ERC2: variants seen among roughly 807,000 people sequenced by gnomAD.
ERC2 encodes the protein ELKS/RAB6-interacting/CAST family member 2, also known as ERC protein 2.
ERC2 carries 42 observed loss-of-function variants against 114.8 expected under a neutral mutation model. The observed-to-expected ratio is 0.37, with a 90% CI of 0.29 to 0.47. The LOEUF is 0.47. Ranked by LOEUF, ERC2 falls within the 20% of genes least tolerant of loss-of-function variation. The pLI is 0.99. For missense variants in ERC2, 939 were observed against 1,150.7 expected (o/e 0.82, Z 2.66); for synonymous variants, 454 against 425.5 (o/e 1.07, Z -0.82).
At chr3:55,805,985 A>G (rs1025803577) in intron 14 of ERC2, among the ~76,000 whole-genome samples, 1 of 152,192 alleles carries the variant, frequency 6.6e-6, no homozygotes, top group African/African-American at 2.4e-5. Context: ...AAGCATTACA[A>G]AAATGATAGA....
chr3:55,660,528 T>C (rs1281629270), intron 17 of ERC2, among the ~76,000 whole-genome samples: 1 of 148,230 alleles, frequency 6.7e-6, no homozygotes, highest in Non-Finnish European at 1.5e-5. Flanking sequence ...TGATTTTTTT[T>C]CTCCTTGCTC....
intron 14 of ERC2, among the ~76,000 whole-genome samples, chr3:55,834,357 G>C (rs906891796): frequency 1.8e-4 from 27 of 152,060 alleles, no homozygotes; most frequent in Admixed American, 1.3e-3. Context: ...CACACAGTTG[G>C]AAGTAAAGCT....
intron 17 of ERC2, among the ~76,000 whole-genome samples, chr3:55,595,813 T>C (rs2058098926): frequency 6.6e-6 from 1 of 152,152 alleles, no homozygotes; most frequent in African/African-American, 2.4e-5. Flanking sequence ...CTATAAACCA[T>C]GAGAGTATGG....
intron 17 of ERC2, among the ~76,000 whole-genome samples, chr3:55,616,828 G>A (rs2059140778): frequency 6.6e-6 from 1 of 152,014 alleles, no homozygotes; most frequent in African/African-American, 2.4e-5. Context: ...TGACCCCCGA[G>A]CCCAGCAAAT....
At chr3:55,721,125 A>G (rs912647592) in intron 15 of ERC2, among the ~76,000 whole-genome samples, 3 of 152,198 alleles carry the variant, frequency 2.0e-5, no homozygotes, top group Admixed American at 2.0e-4. Context: ...TGGCAATTGT[A>G]TCTTGATGGG....
chr3:56,374,564 T>C (rs2059470068), intron 2 of ERC2, among the ~76,000 whole-genome samples: 1 of 152,212 alleles, frequency 6.6e-6, no homozygotes, highest in Non-Finnish European at 1.5e-5. Flanking sequence ...GGTTCCATCA[T>C]TATCTCCATT....
At chr3:55,776,275 G>C (rs1319991584) in intron 14 of ERC2, among the ~76,000 whole-genome samples, 1 of 152,052 alleles carries the variant, frequency 6.6e-6, no homozygotes, top group African/African-American at 2.4e-5. Flanking sequence ...AAGCGGGTCT[G>C]TCTGCACACC....
rs200404044 is a variant in ERC2 at position 55,971,096 on chromosome 3, TA to T, written c.2267+14880del. Among the ~76,000 whole-genome samples the T allele has an allele frequency of 2.6e-5, 4 of 151,884 alleles. No homozygotes were observed. In the East Asian group the frequency reaches 7.7e-4, roughly 29 times the overall value. The stretch of plus-strand genomic sequence containing the variant: ...AAGAAGTCAGTCACACAAAAACACA[TA>T]ATATATAATCCCAATTAAATAAAAG... On this transcript the variant is annotated intron_variant, in intron 12 of 17. Transcript: ENST00000288221.
chr3:55,646,271 C>T (rs1472036494), intron 17 of ERC2, among the ~76,000 whole-genome samples: 1 of 152,176 alleles, frequency 6.6e-6, no homozygotes, highest in African/African-American at 2.4e-5. Flanking sequence ...CTGCATTGTT[C>T]TTGTTCGTCA....
chr3:56,160,903 G>A (rs969999450), intron 4 of ERC2, among the ~76,000 whole-genome samples: 4 of 152,086 alleles, frequency 2.6e-5, no homozygotes, highest in Non-Finnish European at 4.4e-5. Context: ...GTTTGACATC[G>A]GGTAATATGA....
intron 3 of ERC2, among the ~76,000 whole-genome samples, chr3:56,240,426 A>G (rs1185074755): frequency 6.6e-6 from 1 of 152,236 alleles, no homozygotes; most frequent in African/African-American, 2.4e-5. Flanking sequence ...ATTTTTGTTT[A>G]AAAATGTGCT....
At chr3:55,574,285 C>T (rs998255480) in intron 17 of ERC2, among the ~76,000 whole-genome samples, 13 of 152,140 alleles carry the variant, frequency 8.5e-5, no homozygotes, top group Admixed American at 1.3e-4. Context: ...CCATACCATT[C>T]GGTGGTTGCT....
intron 17 of ERC2, among the ~76,000 whole-genome samples, chr3:55,550,852 T>C (rs1008041638): frequency 2.6e-5 from 4 of 151,738 alleles, no homozygotes; most frequent in South Asian, 2.1e-4. Flanking sequence ...CCATCTCTAC[T>C]AAAAATACAA....
rs1041290176 is a variant in ERC2 at position 55,980,074 on chromosome 3, G to C, written c.2267+5903C>G. On this transcript the variant is annotated intron_variant, in intron 12 of 17. Coordinates refer to ENST00000288221, the MANE Select transcript of ERC2 (RefSeq NM_015576.3). ...GTTCTTATGCAAAAATAATTCTATA[G>C]AACCCACTATGTTTGCACGAAGTGT... Among the ~76,000 whole-genome samples, 25 of 117,520 alleles carry C rather than the reference G, an allele frequency of 2.1e-4. No homozygotes were observed. In the Admixed American group the frequency reaches 2.3e-3, roughly 11 times the overall value. 77.1% of individuals were successfully genotyped at this position (117,520 alleles called of 152,430 possible).
chr3:55,559,626 G>A (rs1312831583), intron 17 of ERC2, among the ~76,000 whole-genome samples: 1 of 152,242 alleles, frequency 6.6e-6, no homozygotes, highest in African/African-American at 2.4e-5. Flanking sequence ...TAGACTGTCA[G>A]GGGTGCAACC....
At chr3:55,829,177 C>A (rs2060464920) in intron 14 of ERC2, among the ~76,000 whole-genome samples, 1 of 152,022 alleles carries the variant, frequency 6.6e-6, no homozygotes, top group South Asian at 2.1e-4. Context: ...GAAAGTGTAA[C>A]CAATTTTGAA....
At chr3:56,364,682 A>G (rs1048187948) in intron 2 of ERC2, among the ~76,000 whole-genome samples, 3 of 152,186 alleles carry the variant, frequency 2.0e-5, no homozygotes, top group African/African-American at 7.2e-5. Context: ...GCTTTGTGCT[A>G]CTTTTGTATC....
chr3:55,543,512 C>T (rs544699492), intron 17 of ERC2, among the ~76,000 whole-genome samples: 2 of 152,324 alleles, frequency 1.3e-5, no homozygotes, highest in South Asian at 2.1e-4. Context: ...TGGCCTCAGG[C>T]GGGTTAGCGG....
At chr3:56,064,981 C>A (rs914421806) in intron 7 of ERC2, among the ~76,000 whole-genome samples, 1 of 152,212 alleles carries the variant, frequency 6.6e-6, no homozygotes, top group Non-Finnish European at 1.5e-5. Context: ...AACATGCCAG[C>A]ACTGTGCTAA....
Sources: allele counts gnomAD v4.1 joint callset (sites outside exome capture counted in the v4.1 genomes callset), GRCh38; gene constraint gnomAD v4.1.1; transcripts MANE v1.5; gene names NCBI Gene and HGNC (gene_info 2026-07-23, HGNC 2026-07-21).